GAPVD1: variants seen among roughly 807,000 people sequenced by gnomAD.
GAPVD1 encodes GTPase-activating protein and VPS9 domain-containing protein 1.
Under a neutral mutation model 155.5 loss-of-function variants are expected in GAPVD1, and 35 were observed. The observed-to-expected ratio is 0.23, with a 90% confidence interval of 0.17 to 0.30. The LOEUF is 0.30. Ranked by LOEUF, GAPVD1 falls within the 10% of genes least tolerant of loss-of-function variation. The pLI is 1.00. For synonymous variants in GAPVD1, 636 were observed against 619.7 expected (o/e 1.03, Z -0.39); for missense variants, 1,429 against 1,775.7 (o/e 0.80, Z 3.51).
chr9:125,309,950 C>T (rs1251372805), intron 8 of GAPVD1: 1 of 469,334 alleles, frequency 2.1e-6, no homozygotes, highest in Non-Finnish European at 4.4e-6. Flanking sequence ...GCAGCCATCA[C>T]TGCCTGGGAT....
At chr9:125,267,038 A>T (rs1410424327) in intron 1 of GAPVD1, among the ~76,000 whole-genome samples, 1 of 152,184 alleles carries the variant, frequency 6.6e-6, no homozygotes, top group Admixed American at 6.5e-5. Context: ...TACAGGCATG[A>T]GCCACTGTAC....
At chr9:125,295,707 C>G (rs1378245886) in intron 3 of GAPVD1, 133 bp downstream of exon 3, 3 of 152,134 alleles carry the variant, frequency 2.0e-5, no homozygotes, top group Non-Finnish European at 4.4e-5. Flanking sequence ...GCTGGGATTA[C>G]AGGTATGAGC....
chr9:125,332,021 A>G lies in GAPVD1; in HGVS notation c.2269A>G (p.Ser757Gly), dbSNP rs1846163233. 1.9e-6 allele frequency: 3 copies of G among 1,613,996 alleles called. No homozygotes were observed. Among genetic ancestry groups the G allele is most frequent in the Non-Finnish European group, 2.5e-6 (3 of 1,179,950 alleles). The change falls in exon 14 of 28, where the codon AGT (serine) becomes GGT (glycine). Residue 757 changes from serine (S) to glycine (G), a missense_variant. Coordinates refer to ENST00000297933, the MANE Select transcript of GAPVD1 (RefSeq NM_001282680.3). ...TGATGATACGGATGTCAGGGAGGTCAGTTCCCGCCCCAGCACACCAGGCCT... is the reference window on the plus strand; with the variant it reads ...TGATGATACGGATGTCAGGGAGGTCGGTTCCCGCCCCAGCACACCAGGCCT... ...TSDDTDVREV[S>G]SRPSTPGLSV...
chr9:125,307,158 G>A lies in GAPVD1; in HGVS notation c.1117-255G>A, dbSNP rs561715717. Among the ~76,000 whole-genome samples, 47 of 151,794 alleles carry A rather than the reference G, an allele frequency of 3.1e-4. No individual in the cohort carries two copies. In the South Asian group the frequency reaches 9.2e-3, roughly 30 times the overall value. On this transcript the variant is annotated intron_variant, in intron 6 of 27. Coordinates refer to ENST00000297933, the MANE Select transcript of GAPVD1 (RefSeq NM_001282680.3). ...GTGGCACCTATAATCCCAGCTACTCGGGAGGCTGAGGCAGGAGAATCACAG... is the reference window on the plus strand; with the variant it reads ...GTGGCACCTATAATCCCAGCTACTCAGGAGGCTGAGGCAGGAGAATCACAG...
chr9:125,296,011 A>G lies in GAPVD1; in HGVS notation c.-33+437A>G, dbSNP rs112739842. ...AAGTATTTTACCCCATTTTTTAATT[A>G]TGAAAAATTTCTAACATACAAAAAC... On this transcript the variant is annotated intron_variant, in intron 3 of 27. Coordinates refer to ENST00000297933, the MANE Select transcript of GAPVD1 (RefSeq NM_001282680.3). Among the ~76,000 whole-genome samples, 326 of 152,302 alleles carry G rather than the reference A, an allele frequency of 2.1e-3. 3 individuals are homozygous for G. The highest frequency in any genetic ancestry group is 7.8e-3 in the African/African-American group (323 of 41,576).
At chr9:125,304,732 CA>C (rs1311187698) in intron 5 of GAPVD1, among the ~76,000 whole-genome samples, 4 of 152,102 alleles carry the variant, frequency 2.6e-5, no homozygotes. Flanking sequence ...TCAGCTTTTA[CA>C]AATTAATTTA....
At chr9:125,264,298 G>A (rs1309001191) in intron 1 of GAPVD1, among the ~76,000 whole-genome samples, 3 of 152,156 alleles carry the variant, frequency 2.0e-5, no homozygotes, top group South Asian at 2.1e-4. Flanking sequence ...GGGTTCAAGC[G>A]ATTCTTGTGC....
At chr9:125,275,333 C>T (rs909965209) in intron 2 of GAPVD1, among the ~76,000 whole-genome samples, 1 of 152,196 alleles carries the variant, frequency 6.6e-6, no homozygotes, top group Non-Finnish European at 1.5e-5. Context: ...ACCTGGGCCT[C>T]CCAAAATGCT....
intron 25 of GAPVD1, among the ~76,000 whole-genome samples, chr9:125,358,138 C>G (rs1850384393): frequency 6.6e-6 from 1 of 152,116 alleles, no homozygotes; most frequent in Non-Finnish European, 1.5e-5. Flanking sequence ...GATAGTCTCA[C>G]TCTGTCACCC....
chr9:125,360,978 C>T (rs1222968618), intron 27 of GAPVD1, among the ~76,000 whole-genome samples: 1 of 152,204 alleles, frequency 6.6e-6, no homozygotes. Context: ...TCTCATGCCT[C>T]AGCCACCCAA....
chr9:125,284,673 T>A (rs1837354301), intron 2 of GAPVD1, among the ~76,000 whole-genome samples: 1 of 152,010 alleles, frequency 6.6e-6, no homozygotes, highest in Admixed American at 6.6e-5. Flanking sequence ...TTCTGAGAAA[T>A]GTGTCATTAG....
chr9:125,269,464 A>T (rs1834517163), intron 2 of GAPVD1, among the ~76,000 whole-genome samples: 3 of 151,968 alleles, frequency 2.0e-5, no homozygotes. Flanking sequence ...CTCCTTAAGT[A>T]ATCGTTTTCA....
rs1554757171 is a variant in GAPVD1, at chr9:125,293,870, A to AAATATATTT, written c.-149-1588_-149-1587insAATATATTT. ...ATATATTTTATATATATATATATAT[A>AAATATATTT]TATATATATATATATATATATATAT... is the stretch of plus-strand genomic sequence containing the variant. On this transcript the variant is annotated intron_variant, in intron 2 of 27. Transcript: ENST00000297933. Among the ~76,000 whole-genome samples the AAATATATTT allele has an allele frequency of 2.4e-3, 50 of 21,006 alleles. 2 individuals are homozygous for AAATATATTT. The highest frequency in any genetic ancestry group is 1.0e-2 in the African/African-American group (47 of 4,722). 13.8% of individuals were successfully genotyped at this position (21,006 alleles called of 152,430 possible).
chr9:125,308,398 A>AGT (rs1842179997), intron 8 of GAPVD1: 1 of 152,414 alleles, frequency 6.6e-6, no homozygotes, highest in African/African-American at 2.4e-5. Context: ...GTTCTAAATA[A>AGT]TATAATAAAC....
intron 15 of GAPVD1, chr9:125,335,289 T>C (rs1323491244): frequency 3.3e-6 from 2 of 615,236 alleles, no homozygotes; most frequent in East Asian, 5.8e-5. Flanking sequence ...AAAAAATGTG[T>C]CATTCTCTTC....
At chr9:125,332,118 C>T in intron 14 of GAPVD1, 58 bp downstream of exon 14, 1 of 1,484,654 alleles carries the variant, frequency 6.7e-7, no homozygotes, top group South Asian at 1.2e-5. Flanking sequence ...CCTACCCCCT[C>T]CTATTTATAA....
chr9:125,263,337 T>A (rs1833268923), intron 1 of GAPVD1, among the ~76,000 whole-genome samples: 1 of 152,200 alleles, frequency 6.6e-6, no homozygotes, highest in Non-Finnish European at 1.5e-5. Context: ...TAATCCCAGC[T>A]ACTTGGGAGG....
intron 17 of GAPVD1, 76 bp from the exon 18 acceptor site, chr9:125,341,101 A>G: frequency 1.2e-6 from 1 of 843,650 alleles, no homozygotes. Flanking sequence ...AAACAAAAAC[A>G]AACAAAAAGA....
intron 12 of GAPVD1, 107 bp from the exon 13 acceptor site, chr9:125,329,971 C>T (rs973986301): frequency 2.5e-5 from 22 of 872,006 alleles, no homozygotes; most frequent in African/African-American, 3.4e-5. Flanking sequence ...TGTGAGCCAC[C>T]GCGCCCAGCC....
Sources: allele counts gnomAD v4.1 joint callset (sites outside exome capture counted in the v4.1 genomes callset), GRCh38; gene constraint gnomAD v4.1.1; transcripts MANE v1.5; gene names NCBI Gene and HGNC (gene_info 2026-07-23, HGNC 2026-07-21).